Variants in CTNNA2 observed in about 807,000 individuals in gnomAD.
CTNNA2 encodes catenin alpha 2, also known as catenin alpha-2.
A neutral mutation model predicts 101.0 loss-of-function variants in CTNNA2; 42 were observed. The ratio of observed to expected loss-of-function variants is 0.42; its 90% confidence interval spans 0.32 to 0.54. CTNNA2 has a LOEUF of 0.54. Ranked by LOEUF, CTNNA2 falls within the 20% of genes least tolerant of loss-of-function variation. CTNNA2 has a pLI of 0.14. For synonymous variants in CTNNA2, 450 were observed against 456.4 expected, an observed-to-expected ratio of 0.99 and a Z score of 0.18; for missense variants, 871 against 1,223.1, an observed-to-expected ratio of 0.71 and a Z score of 4.29.
intron 7 of CTNNA2, among the ~76,000 whole-genome samples, chr2:80,157,031 T>C (rs1704030827): frequency 6.6e-6 from 1 of 152,154 alleles, no homozygotes; most frequent in Non-Finnish European, 1.5e-5. Context: ...GTTTTCTCAC[T>C]CTGGTGGTAT....
rs1671297360 is a variant in CTNNA2, at chr2:79,499,549, C to T, written c.-134-5505C>T. Reference sequence around the variant, plus strand: ...CCTTAATCCTTCCCATAGCCACAGACACTATTAGGACCCCTTTAGAGCTCC... The same window carrying T: ...CCTTAATCCTTCCCATAGCCACAGATACTATTAGGACCCCTTTAGAGCTCC... On this transcript the variant is annotated intron_variant, in intron 4 of 21. Coordinates refer to the CTNNA2 transcript ENST00000466387. Among the ~76,000 whole-genome samples, 3 of 152,204 alleles carry T rather than the reference C, an allele frequency of 2.0e-5. No homozygotes were observed. The South Asian group carries it at 6.2e-4, about 32-fold the overall frequency.
chr2:80,069,510 C>G (rs552631550), intron 7 of CTNNA2, among the ~76,000 whole-genome samples: 1 of 152,096 alleles, frequency 6.6e-6, no homozygotes, highest in Non-Finnish European at 1.5e-5. Context: ...ATCCGCCATA[C>G]GATTGAAAAT....
At chr2:79,863,516 C>T (rs1681795562) in intron 4 of CTNNA2, among the ~76,000 whole-genome samples, 2 of 152,136 alleles carry the variant, frequency 1.3e-5, no homozygotes, top group African/African-American at 4.8e-5. Flanking sequence ...GAGTTGGCCC[C>T]ATCACAGAGT....
At chr2:80,297,291 G>C (rs1322125322) in intron 7 of CTNNA2, among the ~76,000 whole-genome samples, 1 of 152,156 alleles carries the variant, frequency 6.6e-6, no homozygotes, top group Non-Finnish European at 1.5e-5. Context: ...TAGTGAAAAG[G>C]CCACCAAGTC....
chr2:80,072,794 C>T (rs561841320), intron 7 of CTNNA2, among the ~76,000 whole-genome samples: 4 of 152,070 alleles, frequency 2.6e-5, no homozygotes, highest in Non-Finnish European at 4.4e-5. Flanking sequence ...TAGGGAGGGT[C>T]AAGGGCCACT....
intron 7 of CTNNA2, among the ~76,000 whole-genome samples, chr2:80,046,070 T>C (rs775569335): frequency 2.0e-5 from 3 of 152,218 alleles, no homozygotes; most frequent in Non-Finnish European, 2.9e-5. Flanking sequence ...AGGCAGCAAG[T>C]AGAATCTGCC....
chr2:79,268,165 G>C (rs554704496), intron 2 of CTNNA2, among the ~76,000 whole-genome samples: 1 of 152,120 alleles, frequency 6.6e-6, no homozygotes, highest in African/African-American at 2.4e-5. Flanking sequence ...AGTATCAACA[G>C]GCATGATGAG....
At chr2:80,311,955 G>T (rs1205358323) in intron 7 of CTNNA2, among the ~76,000 whole-genome samples, 1 of 152,220 alleles carries the variant, frequency 6.6e-6, no homozygotes, top group East Asian at 1.9e-4. Flanking sequence ...GAATGCTGGT[G>T]CAGGAACCTG....
chr2:79,398,107 C>G (rs566164248), intron 4 of CTNNA2, among the ~76,000 whole-genome samples: 2 of 152,028 alleles, frequency 1.3e-5, no homozygotes, highest in South Asian at 4.1e-4. Flanking sequence ...AGATAATTCT[C>G]TATGATATTT....
At chr2:80,608,566 GTAGTCTGGAA>G (rs1698213296) in intron 17 of CTNNA2, 5 of 312,742 alleles carry the variant, frequency 1.6e-5, no homozygotes, top group African/African-American at 6.3e-5. Flanking sequence ...AACTAATTTT[GTAGTCTGGAA>G]ACTCATTGCC....
At chr2:79,268,430 C>T (rs560915747) in intron 2 of CTNNA2, among the ~76,000 whole-genome samples, 9 of 152,110 alleles carry the variant, frequency 5.9e-5, no homozygotes, top group African/African-American at 1.9e-4. Context: ...ACCTCTTCAT[C>T]TGTATTCTTT....
chr2:80,303,468 G>A lies in CTNNA2; in HGVS notation c.1057-89743G>A. 1 of 1,614,250 alleles carries A rather than the reference G, an allele frequency of 6.2e-7. No homozygotes were observed. The highest frequency in any genetic ancestry group is 1.1e-5 in the South Asian group (1 of 91,088). On this transcript the variant is annotated intron_variant, in intron 7 of 18. Transcript: ENST00000402739. This position sits in a 1 kb window ranked among gnomAD's most constrained non-coding sequence, Gnocchi z 7.7. The stretch of plus-strand genomic sequence containing the variant: ...GTGATCTGGTTGGAACTCAGCGTGA[G>A]TTCCTTAACTCGGCGCAGTTTCTGA...
At chr2:80,562,039 T>A (rs992773696) in intron 12 of CTNNA2, among the ~76,000 whole-genome samples, 9 of 151,940 alleles carry the variant, frequency 5.9e-5, no homozygotes, top group Non-Finnish European at 1.0e-4. Flanking sequence ...TTTTGGAATA[T>A]AAATGCATGG....
intron 7 of CTNNA2, among the ~76,000 whole-genome samples, chr2:80,386,292 T>C (rs1047024538): frequency 6.6e-6 from 1 of 152,162 alleles, no homozygotes; most frequent in South Asian, 2.1e-4. Flanking sequence ...TGATTATAGA[T>C]TTGCTTTGTG....
At chr2:79,241,607 A>G (rs1674626088) in intron 2 of CTNNA2, among the ~76,000 whole-genome samples, 1 of 152,330 alleles carries the variant, frequency 6.6e-6, no homozygotes, top group Admixed American at 6.5e-5. Flanking sequence ...TATTCACTGT[A>G]TTCCAGAATA....
At chr2:79,817,522 T>C (rs1466055010) in intron 3 of CTNNA2, among the ~76,000 whole-genome samples, 2 of 151,976 alleles carry the variant, frequency 1.3e-5, no homozygotes, top group Admixed American at 1.3e-4. Flanking sequence ...TCTAACCACA[T>C]TGAACCATGT....
chr2:80,317,198 A>C (rs1009498707), intron 7 of CTNNA2, among the ~76,000 whole-genome samples: 1 of 152,204 alleles, frequency 6.6e-6, no homozygotes, highest in Non-Finnish European at 1.5e-5. Flanking sequence ...TTTTGAACAC[A>C]GGATATGCTT....
At chr2:79,241,230 T>G (rs566462485) in intron 2 of CTNNA2, among the ~76,000 whole-genome samples, 2 of 152,298 alleles carry the variant, frequency 1.3e-5, no homozygotes, top group African/African-American at 4.8e-5. Flanking sequence ...CAAGTGCATT[T>G]TTTTCACAAT....
chr2:80,105,488 C>T (rs187389588), intron 7 of CTNNA2, among the ~76,000 whole-genome samples: 2 of 152,264 alleles, frequency 1.3e-5, no homozygotes, highest in East Asian at 3.9e-4. Context: ...CTTTGAGAGG[C>T]TGTGGCAGAA....
Sources: gnomAD v4.1 joint callset for allele counts (sites outside exome capture counted in the v4.1 genomes callset) on GRCh38, gnomAD v4.1.1 for gene constraint, Gnocchi (gnomAD v3.1) non-coding constraint, MANE v1.5 for transcripts, NCBI Gene and HGNC (gene_info 2026-07-23, HGNC 2026-07-21) for gene names.